Variants in ITPRID1 observed in about 807,000 individuals in gnomAD.
The protein encoded by ITPRID1 is protein ITPRID1.
In ITPRID1, 96 loss-of-function variants were observed where a neutral mutation model predicts 95.4. The ratio of observed to expected loss-of-function variants is 1.01; its 90% confidence interval spans 0.85 to 1.19. ITPRID1 has a LOEUF of 1.19. Among genes scored for constraint, ITPRID1 ranks in the 50% most tolerant of loss-of-function variants. The pLI is 0.00. For synonymous variants in ITPRID1, 510 were observed against 453.6 expected (o/e 1.12, Z -1.58); for missense variants, 1,339 against 1,252.9 (o/e 1.07, Z -1.04).
At chr7:31,651,382 C>T in intron 13 of ITPRID1, 113 bp downstream of exon 13, 1 of 1,226,116 alleles carries the variant, frequency 8.2e-7, no homozygotes, top group Non-Finnish European at 1.1e-6. Flanking sequence ...GAGAAACCGG[C>T]CAGCTTTTCC....
intron 10 of ITPRID1, among the ~76,000 whole-genome samples, chr7:31,622,431 C>G (rs1041069995): frequency 2.6e-5 from 4 of 151,618 alleles, no homozygotes; most frequent in African/African-American, 9.7e-5. Context: ...TGCAATCAAA[C>G]TAGAACTCAG....
chr7:31,587,390 T>C (rs1382994287), intron 10 of ITPRID1, among the ~76,000 whole-genome samples: 4 of 151,812 alleles, frequency 2.6e-5, no homozygotes, highest in Admixed American at 2.6e-4. Flanking sequence ...CCATTCACAA[T>C]TGCTTCAAAG....
At chr7:31,564,631 A>T (rs1784734837) in intron 5 of ITPRID1, among the ~76,000 whole-genome samples, 2 of 152,190 alleles carry the variant, frequency 1.3e-5, no homozygotes, top group African/African-American at 4.8e-5. Context: ...GTGCCTGCAG[A>T]AACCTGGGAA....
chr7:31,588,007 A>C (rs544337504), intron 10 of ITPRID1, among the ~76,000 whole-genome samples: 1 of 152,286 alleles, frequency 6.6e-6, no homozygotes, highest in Non-Finnish European at 1.5e-5. Flanking sequence ...ATTCTCAGTG[A>C]GTTGTATGAG....
At chr7:31,630,747 T>G (rs1210617922) in intron 10 of ITPRID1, among the ~76,000 whole-genome samples, 4 of 151,968 alleles carry the variant, frequency 2.6e-5, no homozygotes, top group African/African-American at 9.7e-5. Flanking sequence ...CAAAAGGTCA[T>G]TAAGAAATTT....
Position 31,569,794 on chromosome 7 carries a change from T to G in ITPRID1, c.293T>G (p.Val98Gly). The change falls in exon 6 of 15, where the codon GTG becomes GGG. Residue 98 changes from valine (V) to glycine (G), a missense_variant. Coordinates refer to ENST00000615280, the MANE Select transcript of ITPRID1 (RefSeq NM_001257967.3). Reference sequence around the variant, plus strand: ...GAACAAGGGATGGTTCAAATGACTGTGAAAGACTACATGAGGTAGGTAGCA... The same window carrying G: ...GAACAAGGGATGGTTCAAATGACTGGGAAAGACTACATGAGGTAGGTAGCA... The part of the protein sequence containing the change: ...LYEQGMVQMT[V>G]KDYMRSLHQF... 1 of 1,587,016 alleles carries G rather than the reference T, an allele frequency of 6.3e-7. No individual in the cohort carries two copies. Among genetic ancestry groups the G allele is most frequent in the Non-Finnish European group, 8.6e-7 (1 of 1,165,390 alleles).
chr7:31,621,125 G>A lies in ITPRID1; in HGVS notation c.1229-21051G>A, dbSNP rs889157432. 3.0e-4 allele frequency among the ~76,000 whole-genome samples: 45 copies of A among 152,122 alleles called. 1 individual carries two copies. Among genetic ancestry groups the A allele is most frequent in the South Asian group, 6.2e-4 (3 of 4,810 alleles). ...GACTATGTGAAAAGACCAAATCTAC[G>A]TCTGATTGGTGTACCTGAAAGTGAT... On this transcript the variant is annotated intron_variant, in intron 10 of 14. Coordinates refer to ENST00000615280, the MANE Select transcript of ITPRID1 (RefSeq NM_001257967.3).
chr7:31,576,582 C>T (rs950940438), intron 8 of ITPRID1, among the ~76,000 whole-genome samples: 2 of 152,164 alleles, frequency 1.3e-5, no homozygotes, highest in African/African-American at 4.8e-5. Flanking sequence ...CTGAAACATC[C>T]AGAACCCCAC....
rs754075452 is a variant in ITPRID1 at position 31,642,671 on chromosome 7, T to C, written c.1312-11T>C. 2.5e-6 allele frequency: 4 copies of C among 1,610,340 alleles called. No individual in the cohort carries two copies. On this transcript the variant is annotated splice_polypyrimidine_tract_variant and intron_variant, in intron 11 of 14. Coordinates refer to ENST00000615280, the MANE Select transcript of ITPRID1 (RefSeq NM_001257967.3). The stretch of plus-strand genomic sequence containing the variant: ...CTGACCTGTTTCCCTTTGTCCTGGT[T>C]TCCCCTACAGATGCCTTCCTTGCCA...
In ITPRID1 at chr7:31,621,082, A is replaced by G. The variant is rs556712707; in HGVS notation, c.1229-21094A>G. Among the ~76,000 whole-genome samples the G allele has an allele frequency of 2.1e-3, 315 of 152,016 alleles. 1 individual carries two copies. Among genetic ancestry groups the G allele is most frequent in the African/African-American group, 7.2e-3 (300 of 41,496 alleles). ...AAAAAGAATAAAAAGAAATGAGCAA[A>G]GCCTCCAAGAAATATGGGACTATGT... On this transcript the variant is annotated intron_variant, in intron 10 of 14. Transcript: ENST00000615280.
chr7:31,516,839 C>T (rs774860759), intron 1 of ITPRID1, among the ~76,000 whole-genome samples: 2 of 152,116 alleles, frequency 1.3e-5, no homozygotes, highest in Non-Finnish European at 2.9e-5. Context: ...CTCGGTCTCG[C>T]TGACTTCAAG....
At position 31,643,677 on chromosome 7, in the gene ITPRID1, C is replaced by A. The variant is rs137859522; in HGVS notation, c.2307C>A (p.Asn769Lys). The change falls in exon 12 of 15, where the codon AAC becomes AAA. Residue 769 changes from asparagine (N) to lysine (K), a missense_variant. Physicochemically the swap from Asn to Lys is moderately conservative, Grantham distance 94 (BLOSUM62 0). Transcript: ENST00000615280. ...CCATTCAGACTTCAGCTCTAAGCAACAAGACCTTGACACATGGGCCCCAGC... is the reference window on the plus strand; with the variant it reads ...CCATTCAGACTTCAGCTCTAAGCAAAAAGACCTTGACACATGGGCCCCAGC... ...DASIQTSALS[N>K]KTLTHGPQPL... 7.4e-4 allele frequency: 1,192 copies of A among 1,613,944 alleles called. No individual in the cohort carries two copies. Among genetic ancestry groups the A allele is most frequent in the Non-Finnish European group, 9.8e-4 (1,152 of 1,179,922 alleles).
intron 10 of ITPRID1, among the ~76,000 whole-genome samples, chr7:31,598,087 G>A (rs991205395): frequency 6.6e-6 from 1 of 152,108 alleles, no homozygotes; most frequent in Non-Finnish European, 1.5e-5. Flanking sequence ...CCTTGGTTTG[G>A]CCCATACCCA....
chr7:31,557,114 A>C (rs963284698), intron 5 of ITPRID1, among the ~76,000 whole-genome samples: 6 of 151,980 alleles, frequency 3.9e-5, no homozygotes, highest in African/African-American at 1.4e-4. Flanking sequence ...TATGTAATCC[A>C]GTATGATCTC....
At chr7:31,628,949 CA>C (rs571242312) in intron 10 of ITPRID1, among the ~76,000 whole-genome samples, 245 of 152,046 alleles carry the variant, frequency 1.6e-3, no homozygotes, top group Middle Eastern at 3.4e-3. Flanking sequence ...AAAACAAAAA[CA>C]AAAAAACATT....
intron 4 of ITPRID1, 29 bp downstream of exon 4, chr7:31,554,552 C>T (rs2286710): frequency 0.88 from 1,424,234 of 1,610,814 alleles, 636,275 homozygotes; most frequent in Non-Finnish European, 0.92. Flanking sequence ...GTGTGCCTTA[C>T]ATGTTTCTCT....
chr7:31,638,656 A>G (rs190073752), intron 10 of ITPRID1, among the ~76,000 whole-genome samples: 28 of 152,340 alleles, frequency 1.8e-4, no homozygotes, highest in Non-Finnish European at 3.1e-4. Flanking sequence ...ATTATTTCCA[A>G]TGAGAAATCT....
At chr7:31,631,983 G>A (rs568038852) in intron 10 of ITPRID1, among the ~76,000 whole-genome samples, 10 of 152,188 alleles carry the variant, frequency 6.6e-5, no homozygotes, top group Non-Finnish European at 1.3e-4. Flanking sequence ...AGAGGGCCCT[G>A]CAGGTCCCAG....
intron 10 of ITPRID1, among the ~76,000 whole-genome samples, chr7:31,588,835 G>A (rs1785739610): frequency 6.6e-6 from 1 of 151,954 alleles, no homozygotes; most frequent in Non-Finnish European, 1.5e-5. Context: ...TAAAGAATCT[G>A]TTAAGACTAA....
Sources: gnomAD v4.1 joint callset for allele counts (sites outside exome capture counted in the v4.1 genomes callset) on GRCh38, gnomAD v4.1.1 for gene constraint, MANE v1.5 for transcripts, NCBI Gene and HGNC (gene_info 2026-07-23, HGNC 2026-07-21) for gene names.